The following CSMD1 variants were observed in gnomAD, a reference collection of about 807,000 sequenced individuals.
CSMD1 encodes the protein CUB and sushi domain-containing protein 1.
In CSMD1, 213 loss-of-function variants were observed where a neutral mutation model predicts 417.5. The ratio of observed to expected loss-of-function variants is 0.51; its 90% CI spans 0.46 to 0.57. CSMD1 has a LOEUF of 0.57. CSMD1 is among the 20% of genes least tolerant of loss of function. CSMD1 has a pLI of 0.00. For synonymous variants in CSMD1, 2,862 were observed against 1,736.8 expected (o/e 1.65, Z -16.11); for missense variants, 6,923 against 4,529.7 (o/e 1.53, Z -15.17).
chr8:3,511,146 T>A (rs770037450), intron 10 of CSMD1, among the ~76,000 whole-genome samples: 7 of 151,648 alleles, frequency 4.6e-5, no homozygotes, highest in Non-Finnish European at 8.8e-5. Context: ...AACCAAACAC[T>A]GCATGTTCTC....
At chr8:3,806,240 G>A (rs11136666) in intron 5 of CSMD1, among the ~76,000 whole-genome samples, 58,602 of 151,948 alleles carry the variant, frequency 0.39, 11,637 homozygotes, top group East Asian at 0.45. Context: ...TGGAGTACAT[G>A]CAGGTTGTTT....
chr8:4,245,763 ACT>A (rs1348304809), intron 3 of CSMD1, among the ~76,000 whole-genome samples: 2 of 152,020 alleles, frequency 1.3e-5, no homozygotes, highest in Non-Finnish European at 2.9e-5. Context: ...GTATCACCCA[ACT>A]CTGTTTTCAT....
chr8:3,259,416 G>A (rs1800890129), intron 26 of CSMD1, among the ~76,000 whole-genome samples: 1 of 130,016 alleles, frequency 7.7e-6, no homozygotes, highest in African/African-American at 2.6e-5. Flanking sequence ...CTGATGGCCT[G>A]AATGAATGAG....
intron 51 of CSMD1, among the ~76,000 whole-genome samples, chr8:3,027,479 C>G (rs1473286506): frequency 6.6e-6 from 1 of 152,174 alleles, no homozygotes; most frequent in Non-Finnish European, 1.5e-5. Flanking sequence ...GTGTCACAAC[C>G]TGAGCTACAG....
intron 2 of CSMD1, among the ~76,000 whole-genome samples, chr8:4,634,292 G>T (rs979873135): frequency 5.3e-5 from 8 of 152,070 alleles, no homozygotes; most frequent in South Asian, 2.1e-4. Flanking sequence ...TCTGACTAAA[G>T]TTCCAGTTAC....
chr8:4,969,712 G>C (rs1454647609), intron 1 of CSMD1, among the ~76,000 whole-genome samples: 1 of 151,994 alleles, frequency 6.6e-6, no homozygotes, highest in Non-Finnish European at 1.5e-5. Context: ...TCCTGCGGCT[G>C]GCTTTCTCTT....
At chr8:4,680,160 T>C (rs916700515) in intron 1 of CSMD1, among the ~76,000 whole-genome samples, 1 of 152,350 alleles carries the variant, frequency 6.6e-6, no homozygotes, top group East Asian at 1.9e-4. Context: ...GCAGTGTATG[T>C]AGAATCAGAC....
At chr8:4,064,005 C>A (rs1799114447) in intron 3 of CSMD1, among the ~76,000 whole-genome samples, 1 of 151,950 alleles carries the variant, frequency 6.6e-6, no homozygotes, top group Non-Finnish European at 1.5e-5. Context: ...ATGAGTGTAC[C>A]TAAAGAAGCC....
chr8:4,925,795 C>A (rs1806827302), intron 1 of CSMD1, among the ~76,000 whole-genome samples: 1 of 152,148 alleles, frequency 6.6e-6, no homozygotes, highest in Non-Finnish European at 1.5e-5. Flanking sequence ...GATCCGCCCT[C>A]CTCGGCCTCC....
intron 1 of CSMD1, among the ~76,000 whole-genome samples, chr8:4,755,033 G>C (rs1309982230): frequency 6.6e-6 from 1 of 152,110 alleles, no homozygotes; most frequent in Non-Finnish European, 1.5e-5. Context: ...AGCTACTTGG[G>C]AGGCTGAGGC....
At chr8:3,754,847 C>A (rs982741407) in intron 5 of CSMD1, among the ~76,000 whole-genome samples, 1 of 152,178 alleles carries the variant, frequency 6.6e-6, no homozygotes, top group African/African-American at 2.4e-5. Context: ...ATCCCATTTG[C>A]AGGACTAAGA....
intron 25 of CSMD1, among the ~76,000 whole-genome samples, chr8:3,294,968 C>G (rs62504371): frequency 6.6e-6 from 1 of 152,060 alleles, no homozygotes; most frequent in Non-Finnish European, 1.5e-5. Flanking sequence ...CTTGGCTCCA[C>G]CCATCCCATT....
chr8:4,213,662 T>A (rs1800458174), intron 3 of CSMD1, among the ~76,000 whole-genome samples: 2 of 152,188 alleles, frequency 1.3e-5, no homozygotes, highest in South Asian at 4.1e-4. Flanking sequence ...GCTCAGCAAC[T>A]GAGATGAAAG....
chr8:4,516,942 T>G (rs930944320), intron 2 of CSMD1, among the ~76,000 whole-genome samples: 2 of 152,170 alleles, frequency 1.3e-5, no homozygotes, highest in Non-Finnish European at 2.9e-5. Flanking sequence ...ATTATTAATT[T>G]CATGTGCTAT....
At position 4,791,660 on chromosome 8, in the gene CSMD1, G is replaced by A. The variant is rs1031388317; in HGVS notation, c.86-154102C>T. On this transcript the variant is annotated intron_variant, in intron 1 of 69. Coordinates refer to ENST00000635120, the MANE Select transcript of CSMD1 (RefSeq NM_033225.6). Reference sequence around the variant, plus strand: ...ACTTAAAAATGGGCCCAACACAGAAGGCTAGTTAAGACATGGAGAGAGAGG... The same window carrying A: ...ACTTAAAAATGGGCCCAACACAGAAAGCTAGTTAAGACATGGAGAGAGAGG... Among the ~76,000 whole-genome samples, 3 of 152,112 alleles carry A rather than the reference G, an allele frequency of 2.0e-5. No individual in the cohort carries two copies. In the South Asian group the frequency reaches 6.2e-4, roughly 32 times the overall value.
intron 5 of CSMD1, among the ~76,000 whole-genome samples, chr8:3,849,963 C>A (rs968696160): frequency 5.9e-5 from 9 of 151,610 alleles, no homozygotes; most frequent in African/African-American, 2.2e-4. Context: ...TTACAGGCAC[C>A]CACTACCATG....
At chr8:4,934,777 A>C (rs558975569) in intron 1 of CSMD1, among the ~76,000 whole-genome samples, 2 of 152,226 alleles carry the variant, frequency 1.3e-5, no homozygotes, top group African/African-American at 4.8e-5. Context: ...TATAGGTATC[A>C]TCTATCAATC....
At position 4,380,891 on chromosome 8, in the gene CSMD1, GTAA is replaced by G. The variant is rs371257267; in HGVS notation, c.415+39059_415+39061del. 1.1e-4 allele frequency among the ~76,000 whole-genome samples: 16 copies of G among 152,098 alleles called. No homozygotes were observed. The East Asian group carries it at 2.9e-3, about 28-fold the overall frequency. ...TACTATACTTTTTATATTTTAGGTA[GTAA>G]TAATATTATTGTTTTATACATTTTG... is the stretch of plus-strand genomic sequence containing the variant. On this transcript the variant is annotated intron_variant, in intron 3 of 69. Coordinates refer to ENST00000635120, the MANE Select transcript of CSMD1 (RefSeq NM_033225.6).
chr8:4,419,875 G>C (rs1489646970), intron 3 of CSMD1, 78 bp downstream of exon 3: 11 of 1,010,256 alleles, frequency 1.1e-5, no homozygotes, highest in Non-Finnish European at 1.7e-5. Flanking sequence ...AGCCTAGTTT[G>C]TCATTATTAA....
Sources: gnomAD v4.1 joint callset for allele counts (sites outside exome capture counted in the v4.1 genomes callset) on GRCh38, gnomAD v4.1.1 for gene constraint, MANE v1.5 for transcripts, NCBI Gene and HGNC (gene_info 2026-07-23, HGNC 2026-07-21) for gene names.